LRRC18: variants seen among roughly 807,000 people sequenced by gnomAD.
LRRC18 encodes the protein leucine rich repeat containing 18.
In LRRC18, 12 loss-of-function variants were observed where a neutral mutation model predicts 11.2. The observed-to-expected ratio is 1.07, with a 90% confidence interval of 0.69 to 1.74. The LOEUF is 1.74. Among genes scored for constraint, LRRC18 ranks in the 40% most tolerant of loss-of-function variants. The pLI, the probability that LRRC18 is intolerant of heterozygous loss-of-function variation, is 0.00. For missense variants in LRRC18, 374 were observed against 330.5 expected (o/e 1.13, Z -1.02); for synonymous variants, 155 against 130.6 (o/e 1.19, Z -1.27).
chr10:48,916,226 GCAGC>G (rs1330165549), upstream of LRRC18, among the ~76,000 whole-genome samples: 3 of 152,132 alleles, frequency 2.0e-5, no homozygotes, highest in African/African-American at 7.2e-5. Context: ...GGACTCAAGG[GCAGC>G]CCAGAACACA....
chr10:48,934,989 C>T, the LRRC18 span, among the ~76,000 whole-genome samples: 19 of 152,320 alleles, frequency 1.2e-4, no homozygotes, highest in African/African-American at 4.3e-4. Flanking sequence ...AGGCAAGCTT[C>T]CTCCTCTCCT....
the LRRC18 span, among the ~76,000 whole-genome samples, chr10:48,920,964 T>C: frequency 2.6e-5 from 4 of 152,212 alleles, no homozygotes; most frequent in African/African-American, 9.6e-5. Context: ...AGGATTTTTA[T>C]AATGAAAATT....
chr10:48,929,780 C>A, the LRRC18 span, among the ~76,000 whole-genome samples: 1 of 152,188 alleles, frequency 6.6e-6, no homozygotes, highest in Admixed American at 6.5e-5. Flanking sequence ...AGCTGCTCCA[C>A]CACAGCCTCT....
upstream of LRRC18, among the ~76,000 whole-genome samples, chr10:48,914,787 A>G (rs1312114310): frequency 6.6e-6 from 1 of 152,170 alleles, no homozygotes; most frequent in Non-Finnish European, 1.5e-5. Flanking sequence ...CATGCAGAAA[A>G]GCCTGTTGCT....
At chr10:48,934,188 C>T in the LRRC18 span, among the ~76,000 whole-genome samples, 1 of 152,206 alleles carries the variant, frequency 6.6e-6, no homozygotes, top group African/African-American at 2.4e-5. Flanking sequence ...TTGTTCCATA[C>T]TTGGTTCACA....
At chr10:48,936,608 A>G in the LRRC18 span, among the ~76,000 whole-genome samples, 2 of 59,810 alleles carry the variant, frequency 3.3e-5, no homozygotes, top group Admixed American at 4.2e-4. Context: ...GAGGCCGAAG[A>G]GGGTGGATCA....
chr10:48,921,409 A>T, the LRRC18 span, among the ~76,000 whole-genome samples: 14 of 152,226 alleles, frequency 9.2e-5, no homozygotes, highest in African/African-American at 3.4e-4. Context: ...GAAATTGGTT[A>T]TTTATATGCA....
chr10:48,913,182 G>A (rs1248808047), intron 1 of LRRC18, among the ~76,000 whole-genome samples: 2 of 152,144 alleles, frequency 1.3e-5, no homozygotes, highest in East Asian at 1.9e-4. Flanking sequence ...TGTGTGCAGA[G>A]GACAGAGAAA....
At chr10:48,930,215 T>C in the LRRC18 span, among the ~76,000 whole-genome samples, 1 of 152,128 alleles carries the variant, frequency 6.6e-6, no homozygotes, top group Non-Finnish European at 1.5e-5. Context: ...TAGCTGAGAG[T>C]CAGCTGCTAC....
chr10:48,937,929 G>C, the LRRC18 span, among the ~76,000 whole-genome samples: 3 of 152,136 alleles, frequency 2.0e-5, no homozygotes, highest in African/African-American at 4.8e-5. Context: ...CTCTACCCCT[G>C]CCACACTCTG....
chr10:48,913,919 G>A (rs60751127), exon 1 of LRRC18: 45,509 of 1,614,066 alleles, frequency 0.028, 1,577 homozygotes, highest in African/African-American at 0.16. Context: ...TGCTGTGCAG[G>A]TCCAGCCACC....
chr10:48,939,830 G>A, the LRRC18 span, among the ~76,000 whole-genome samples: 2 of 152,158 alleles, frequency 1.3e-5, no homozygotes, highest in African/African-American at 4.8e-5. Flanking sequence ...GAAGCTGATA[G>A]CCAATGAAAT....
chr10:48,931,596 CTG>C, the LRRC18 span, among the ~76,000 whole-genome samples: 1 of 152,196 alleles, frequency 6.6e-6, no homozygotes, highest in South Asian at 2.1e-4. Flanking sequence ...TGTGGGGAAA[CTG>C]TGGCCTACTT....
the LRRC18 span, among the ~76,000 whole-genome samples, chr10:48,922,088 C>T: frequency 3.3e-5 from 5 of 152,292 alleles, no homozygotes; most frequent in South Asian, 2.1e-4. Context: ...TGGGTGGATT[C>T]CTAATACTGT....
chr10:48,924,262 G>A, the LRRC18 span, among the ~76,000 whole-genome samples: 1 of 152,184 alleles, frequency 6.6e-6, no homozygotes, highest in African/African-American at 2.4e-5. Context: ...GTTATAGAAG[G>A]CAGAGTGTGT....
rs761985020 is a variant in LRRC18 at position 48,914,101 on chromosome 10, T to C, written c.55A>G (p.Arg19Gly). ...TCAAAAGTGATTTTGATGCAATTCC[T>C]GGCCACCTTGAGGGTGATCTTCTTG... Residue 19 changes from arginine (R) to glycine (G), a missense_variant, in exon 1 of 2, where the codon AGG becomes GGG. Transcript: ENST00000374160. The C allele has an allele frequency of 8.7e-6, 14 of 1,614,242 alleles. No individual in the cohort carries two copies. The South Asian group carries it at 1.4e-4, about 16-fold the overall frequency.
chr10:48,927,445 G>A, the LRRC18 span, among the ~76,000 whole-genome samples: 1 of 152,146 alleles, frequency 6.6e-6, no homozygotes, highest in Admixed American at 6.5e-5. Flanking sequence ...ACTTCTGTGG[G>A]ATGCGTTCTT....
chr10:48,930,229 A>G, the LRRC18 span, among the ~76,000 whole-genome samples: 2 of 152,178 alleles, frequency 1.3e-5, no homozygotes, highest in African/African-American at 2.4e-5. Flanking sequence ...CTGCTACATA[A>G]TCAACTTGAC....
chr10:48,919,395 A>C, the LRRC18 span, among the ~76,000 whole-genome samples: 1 of 152,230 alleles, frequency 6.6e-6, no homozygotes. Flanking sequence ...TCACGGTTGA[A>C]ACCCTTTCAA....
Sources: allele counts gnomAD v4.1 joint callset (sites outside exome capture counted in the v4.1 genomes callset), GRCh38; gene constraint gnomAD v4.1.1; transcripts MANE v1.5; gene names NCBI Gene and HGNC (gene_info 2026-07-23, HGNC 2026-07-21).